CDH13: variants seen among roughly 807,000 people sequenced by gnomAD.
CDH13 encodes cadherin-13.
In CDH13, 24 loss-of-function variants were observed where a neutral mutation model predicts 63.8. The observed-to-expected ratio is 0.38, with a 90% confidence interval of 0.27 to 0.53. CDH13 has a LOEUF of 0.53. Ranked by LOEUF, CDH13 falls within the 20% of genes least tolerant of loss-of-function variation. CDH13 has a pLI of 0.85. For synonymous variants in CDH13, 503 were observed against 355.3 expected (o/e 1.42, Z -4.67); for missense variants, 1,049 against 903.1 (o/e 1.16, Z -2.07).
chr16:82,914,746 A>T (rs2041933236), intron 2 of CDH13, among the ~76,000 whole-genome samples: 1 of 152,228 alleles, frequency 6.6e-6, no homozygotes, highest in African/African-American at 2.4e-5. Flanking sequence ...CACAACTCAC[A>T]GGAGAGTGGA....
chr16:83,266,661 G>A (rs535452004), intron 5 of CDH13, among the ~76,000 whole-genome samples: 5 of 152,330 alleles, frequency 3.3e-5, no homozygotes, highest in Admixed American at 2.6e-4. Flanking sequence ...AGGCAAAGAA[G>A]TTTAAGTAAG....
chr16:83,673,205 T>C (rs1045547640), intron 9 of CDH13, among the ~76,000 whole-genome samples: 1 of 152,214 alleles, frequency 6.6e-6, no homozygotes, highest in Non-Finnish European at 1.5e-5. Context: ...CAATAAAACC[T>C]AATCCATACG....
In CDH13 at chr16:82,932,162, G is replaced by C. The variant is rs533476986; in HGVS notation, c.157+73689G>C. 1.1e-3 allele frequency among the ~76,000 whole-genome samples: 168 copies of C among 152,228 alleles called. 2 individuals carry two copies. The highest frequency in any genetic ancestry group is 3.7e-3 in the African/African-American group (155 of 41,528). Reference sequence around the variant, plus strand: ...TTAGTGGTCAAAAGCATATGCTTTTGAGTCATATAGATGTAGGCAAATCAT... The same window carrying C: ...TTAGTGGTCAAAAGCATATGCTTTTCAGTCATATAGATGTAGGCAAATCAT... On this transcript the variant is annotated intron_variant, in intron 2 of 13. Transcript: ENST00000567109.
Position 83,471,654 on chromosome 16 carries a change from C to A in CDH13, c.782-14823C>A, listed in dbSNP as rs141958610. On this transcript the variant is annotated intron_variant, in intron 6 of 13. Coordinates refer to ENST00000567109, the MANE Select transcript of CDH13 (RefSeq NM_001257.5). ...CAGAGAGGCTGCCCCATGTGTCCAG[C>A]CTCCCCAGTGAGTAAACTGAAGGCA... Among the ~76,000 whole-genome samples, 841 of 152,268 alleles carry A rather than the reference C, an allele frequency of 5.5e-3. 3 individuals carry two copies. Among genetic ancestry groups the A allele is most frequent in the Non-Finnish European group, 8.9e-3 (603 of 68,032 alleles).
chr16:83,119,765 T>G (rs2035481112), intron 3 of CDH13, among the ~76,000 whole-genome samples: 1 of 152,196 alleles, frequency 6.6e-6, no homozygotes, highest in Non-Finnish European at 1.5e-5. Flanking sequence ...AAATCATGTA[T>G]GATGGTTCTT....
chr16:82,723,338 T>C (rs887884471), intron 1 of CDH13, among the ~76,000 whole-genome samples: 1 of 152,232 alleles, frequency 6.6e-6, no homozygotes, highest in Non-Finnish European at 1.5e-5. Context: ...CACATATTTA[T>C]TGAACCTTTT....
intron 3 of CDH13, among the ~76,000 whole-genome samples, chr16:83,036,143 CT>C (rs34375178): frequency 0.4 from 36,500 of 90,938 alleles, 6,361 homozygotes; most frequent in African/African-American, 0.55. Flanking sequence ...GAGCTCTCCT[CT>C]TTTTTTTTTT....
chr16:83,299,994 T>A (rs2089694250), intron 5 of CDH13, among the ~76,000 whole-genome samples: 1 of 152,026 alleles, frequency 6.6e-6, no homozygotes, highest in Non-Finnish European at 1.5e-5. Flanking sequence ...GAGTTCCTCA[T>A]AAGTTGTCAA....
intron 2 of CDH13, among the ~76,000 whole-genome samples, chr16:82,916,318 G>A (rs1223582747): frequency 6.6e-6 from 1 of 152,160 alleles, no homozygotes; most frequent in Admixed American, 6.5e-5. Context: ...GCTCACGCCT[G>A]TAATCCCAGC....
chr16:82,846,465 A>C (rs12929586), intron 1 of CDH13, among the ~76,000 whole-genome samples: 98,488 of 151,998 alleles, frequency 0.65, 32,451 homozygotes, highest in East Asian at 0.87. Context: ...TCATTGACTC[A>C]TACAACCAAT....
intron 8 of CDH13, among the ~76,000 whole-genome samples, chr16:83,610,885 T>C (rs918868406): frequency 4.6e-5 from 7 of 152,226 alleles, no homozygotes; most frequent in Non-Finnish European, 1.0e-4. Flanking sequence ...ACCAGAGTAG[T>C]TAACTCCAGT....
At chr16:82,923,304 G>A (rs931434093) in intron 2 of CDH13, among the ~76,000 whole-genome samples, 6 of 152,234 alleles carry the variant, frequency 3.9e-5, no homozygotes, top group African/African-American at 1.4e-4. Context: ...CATGAGTGAA[G>A]TGAGTTTAAG....
intron 2 of CDH13, among the ~76,000 whole-genome samples, chr16:82,922,700 A>G (rs2042192967): frequency 6.6e-6 from 1 of 152,176 alleles, no homozygotes; most frequent in South Asian, 2.1e-4. Context: ...ACTTATGTGC[A>G]CATTCTGTTG....
chr16:83,772,662 G>A (rs1357368859), intron 11 of CDH13: 1 of 152,080 alleles, frequency 6.6e-6, no homozygotes, highest in South Asian at 2.1e-4. Flanking sequence ...TCATTAAGTC[G>A]CTTGCCAACG....
At chr16:82,794,918 C>T (rs57485873) in intron 1 of CDH13, among the ~76,000 whole-genome samples, 16,238 of 152,162 alleles carry the variant, frequency 0.11, 1,244 homozygotes, top group East Asian at 0.33. Context: ...AGATTCAGGA[C>T]TTAAAGAAAT....
At chr16:83,427,627 C>T (rs2071952260) in intron 6 of CDH13, among the ~76,000 whole-genome samples, 1 of 152,152 alleles carries the variant, frequency 6.6e-6, no homozygotes, top group South Asian at 2.1e-4. Context: ...AAAATACCAG[C>T]ACCACTAGAT....
intron 6 of CDH13, chr16:83,397,935 G>A (rs2091911999): frequency 6.6e-6 from 1 of 152,232 alleles, no homozygotes; most frequent in South Asian, 2.1e-4. Context: ...CCTGCTGGGA[G>A]ACGCTAGTCT....
At chr16:83,440,610 C>G (rs535627633) in intron 6 of CDH13, among the ~76,000 whole-genome samples, 1 of 152,170 alleles carries the variant, frequency 6.6e-6, no homozygotes, top group South Asian at 2.1e-4. Context: ...CATGGTGAAA[C>G]CGTATCTCTA....
intron 2 of CDH13, among the ~76,000 whole-genome samples, chr16:82,945,204 G>C (rs553389498): frequency 6.6e-5 from 10 of 152,254 alleles, no homozygotes; most frequent in African/African-American, 2.4e-4. Context: ...CAACTTTGTG[G>C]GCCATGAAGT....
Sources: allele counts gnomAD v4.1 joint callset (sites outside exome capture counted in the v4.1 genomes callset), GRCh38; gene constraint gnomAD v4.1.1; transcripts MANE v1.5; gene names NCBI Gene and HGNC (gene_info 2026-07-23, HGNC 2026-07-21).